Variants in SH3D19 observed in about 807,000 individuals in gnomAD.
SH3D19 encodes SH3 domain containing 19.
Under a neutral mutation model 112.1 loss-of-function variants are expected in SH3D19, and 58 were observed. The observed-to-expected ratio is 0.52, with a 90% CI of 0.42 to 0.64. The LOEUF is 0.64. Among genes scored for constraint, SH3D19 ranks in the 30% least tolerant of loss-of-function variants. SH3D19 has a pLI of 0.00. For missense variants in SH3D19, 1,090 were observed against 1,263.4 expected (o/e 0.86, Z 2.08); for synonymous variants, 391 against 448.5 (o/e 0.87, Z 1.62).
intron 18 of SH3D19, among the ~76,000 whole-genome samples, 177 bp downstream of exon 18, chr4:151,127,992 CT>C (rs758563287): frequency 5.9e-5 from 9 of 152,102 alleles, no homozygotes; most frequent in Non-Finnish European, 1.3e-4. Context: ...AAGACATTAT[CT>C]TTTTTTTCTA....
chr4:151,308,510 G>C (rs1343577400), intron 1 of SH3D19, among the ~76,000 whole-genome samples: 1 of 152,202 alleles, frequency 6.6e-6, no homozygotes, highest in Non-Finnish European at 1.5e-5. Context: ...TTGCCCCAAA[G>C]GGACCTGGGA....
At chr4:151,251,189 CTTTTTTTCCTTTTT>C (rs1771357752) in intron 1 of SH3D19, among the ~76,000 whole-genome samples, 1 of 146,248 alleles carries the variant, frequency 6.8e-6, no homozygotes, top group East Asian at 2.0e-4. Context: ...CTTTCTTTTT[CTTTTTTTCCTTTTT>C]TTTTTTTTTT....
chr4:151,189,860 C>A (rs1020471109), intron 2 of SH3D19, among the ~76,000 whole-genome samples: 1 of 152,016 alleles, frequency 6.6e-6, no homozygotes, highest in Non-Finnish European at 1.5e-5. Flanking sequence ...AATGTGGAAG[C>A]GACTTTGGAA....
At chr4:151,206,479 A>T (rs939157089) in intron 2 of SH3D19, among the ~76,000 whole-genome samples, 2 of 152,294 alleles carry the variant, frequency 1.3e-5, no homozygotes, top group Admixed American at 1.3e-4. Flanking sequence ...TTGTTTCTCC[A>T]TAAATACTGT....
intron 12 of SH3D19, chr4:151,140,431 A>C (rs1371133599): frequency 1.3e-5 from 2 of 152,284 alleles, no homozygotes; most frequent in Non-Finnish European, 2.9e-5. Flanking sequence ...CCTGGTCTGC[A>C]TTTTGTATTT....
At chr4:151,253,843 C>A (rs1771600600) in intron 1 of SH3D19, among the ~76,000 whole-genome samples, 1 of 152,134 alleles carries the variant, frequency 6.6e-6, no homozygotes, top group Non-Finnish European at 1.5e-5. Flanking sequence ...AGGACAGAGG[C>A]TTTTTCTATG....
At chr4:151,122,348 T>C in intron 19 of SH3D19, 141 bp from the exon 20 acceptor site, 1 of 591,720 alleles carries the variant, frequency 1.7e-6, no homozygotes, top group East Asian at 2.8e-5. Flanking sequence ...ACAACAATGA[T>C]CTATACCTAA....
intron 1 of SH3D19, among the ~76,000 whole-genome samples, chr4:151,277,902 G>A (rs764417365): frequency 3.9e-5 from 6 of 152,048 alleles, no homozygotes; most frequent in East Asian, 1.9e-4. Context: ...TTAGCCGGGC[G>A]TGGTGGCGGG....
At position 151,275,840 on chromosome 4, in the gene SH3D19, TTA is replaced by T. The variant is rs1276213526; in HGVS notation, c.112+49399_112+49400del. On this transcript the variant is annotated intron_variant, in intron 1 of 19. Transcript: ENST00000604030. The stretch of plus-strand genomic sequence containing the variant: ...CCAGCCACTTCTATTATTATTATTA[TTA>T]TTATTATTTTTTTTTTTTTAGACGG... 1.4e-3 allele frequency among the ~76,000 whole-genome samples: 51 copies of T among 37,644 alleles called. No homozygotes were observed. The South Asian group carries it at 0.022, about 16-fold the overall frequency. The allele number at this position is 37,644 out of a possible 152,430, so 24.7% of individuals were successfully genotyped here.
chr4:151,133,893 A>C (rs1751276824), intron 15 of SH3D19, among the ~76,000 whole-genome samples: 1 of 152,198 alleles, frequency 6.6e-6, no homozygotes, highest in Non-Finnish European at 1.5e-5. Context: ...ACTGAAAATA[A>C]GATAAAAGCA....
At chr4:151,130,173 G>A (rs576813194) in intron 17 of SH3D19, among the ~76,000 whole-genome samples, 1 of 152,260 alleles carries the variant, frequency 6.6e-6, no homozygotes, top group Non-Finnish European at 1.5e-5. Flanking sequence ...CGGATGTGGT[G>A]GATCACCCCT....
At chr4:151,143,854 C>T in intron 12 of SH3D19, 56 bp downstream of exon 12, 1 of 1,520,860 alleles carries the variant, frequency 6.6e-7, no homozygotes, top group South Asian at 1.3e-5. Flanking sequence ...ATTAATAGTT[C>T]CATGAAATGT....
intron 1 of SH3D19, among the ~76,000 whole-genome samples, chr4:151,233,242 T>C (rs1019233732): frequency 1.9e-4 from 29 of 151,828 alleles, no homozygotes; most frequent in Admixed American, 1.7e-3. Context: ...ATAATTATTA[T>C]ATATTATAAT....
At chr4:151,148,236 T>C in intron 10 of SH3D19, 50 bp from the exon 11 acceptor site, 1 of 1,515,160 alleles carries the variant, frequency 6.6e-7, no homozygotes, top group South Asian at 1.3e-5. Flanking sequence ...CAGTATTAAA[T>C]TCTGTCCTGT....
intron 2 of SH3D19, among the ~76,000 whole-genome samples, chr4:151,220,132 T>G (rs1580234785): frequency 6.6e-6 from 1 of 152,320 alleles, no homozygotes; most frequent in South Asian, 2.1e-4. Flanking sequence ...CAACAACCTA[T>G]TTCTAGGTTT....
At chr4:151,253,855 T>C (rs1034141573) in intron 1 of SH3D19, among the ~76,000 whole-genome samples, 1 of 152,252 alleles carries the variant, frequency 6.6e-6, no homozygotes, top group Non-Finnish European at 1.5e-5. Flanking sequence ...TTTTCTATGT[T>C]TTCATACCTC....
At chr4:151,228,719 T>C (rs866193907) in intron 1 of SH3D19, among the ~76,000 whole-genome samples, 12 of 152,184 alleles carry the variant, frequency 7.9e-5, no homozygotes, top group South Asian at 2.1e-4. Flanking sequence ...AACAAAACAT[T>C]TGGATGAAAG....
At chr4:151,242,235 G>T (rs1241271478) in intron 1 of SH3D19, among the ~76,000 whole-genome samples, 1 of 152,128 alleles carries the variant, frequency 6.6e-6, no homozygotes, top group African/African-American at 2.4e-5. Flanking sequence ...TCTAGAAGTG[G>T]ATTTCTGGTT....
At chr4:151,210,283 A>G (rs563474448) in intron 2 of SH3D19, among the ~76,000 whole-genome samples, 4 of 152,300 alleles carry the variant, frequency 2.6e-5, no homozygotes, top group Non-Finnish European at 5.9e-5. Context: ...AATAACCTAA[A>G]TGTCTGATAA....
Sources: allele counts gnomAD v4.1 joint callset (sites outside exome capture counted in the v4.1 genomes callset), GRCh38; gene constraint gnomAD v4.1.1; transcripts MANE v1.5; gene names NCBI Gene and HGNC (gene_info 2026-07-23, HGNC 2026-07-21).